Variants in LRP1B observed in about 807,000 individuals in gnomAD.
The protein encoded by LRP1B is low-density lipoprotein receptor-related protein 1B.
A neutral mutation model predicts 556.6 loss-of-function variants in LRP1B; 217 were observed. The ratio of observed to expected loss-of-function variants is 0.39; its 90% confidence interval spans 0.35 to 0.44. LRP1B has a LOEUF of 0.44. LRP1B is among the 20% of genes least tolerant of loss of function. LRP1B has a pLI of 1.00. For missense variants in LRP1B, 5,053 were observed against 5,620.8 expected (o/e 0.90, Z 3.23); for synonymous variants, 2,047 against 1,865.8 (o/e 1.10, Z -2.50).
At chr2:141,600,357 A>C (rs536231790) in intron 2 of LRP1B, among the ~76,000 whole-genome samples, 14 of 152,156 alleles carry the variant, frequency 9.2e-5, no homozygotes, top group Non-Finnish European at 1.8e-4. Flanking sequence ...ACAATACATA[A>C]AGTTGAGAAA....
At chr2:140,569,031 C>T (rs1157253708) in intron 43 of LRP1B, among the ~76,000 whole-genome samples, 2 of 151,822 alleles carry the variant, frequency 1.3e-5, no homozygotes, top group African/African-American at 4.8e-5. Context: ...TACATGAAAA[C>T]ACTCAAAAGT....
intron 3 of LRP1B, among the ~76,000 whole-genome samples, chr2:141,317,683 G>C (rs556972943): frequency 1.3e-5 from 2 of 152,258 alleles, no homozygotes; most frequent in South Asian, 4.1e-4. Context: ...ACAGAACAGG[G>C]TGTGGATTCT....
At position 141,329,824 on chromosome 2, in the gene LRP1B, T is replaced by C. The variant is rs182850741; in HGVS notation, c.344-75183A>G. The stretch of plus-strand genomic sequence containing the variant: ...GTTCTTGCTTGTTTAAAGTATTTTA[T>C]TAGAAAAGACAAGATCATGCTGAAT... On this transcript the variant is annotated intron_variant, in intron 3 of 90. Coordinates refer to ENST00000389484, the MANE Select transcript of LRP1B (RefSeq NM_018557.3). Among the ~76,000 whole-genome samples, 491 of 152,242 alleles carry C rather than the reference T, an allele frequency of 3.2e-3. 7 individuals carry two copies. Among genetic ancestry groups the C allele is most frequent in the Non-Finnish European group, 2.3e-3 (158 of 68,004 alleles).
In LRP1B at chr2:140,997,339, C is replaced by T. The variant is rs887102508; in HGVS notation, c.2504-3204G>A. ...AACTGGCTGGAGTTAATGTCCAGGT[C>T]ATAATGTTGGGAAGTAGGAAATGCT... On this transcript the variant is annotated intron_variant, in intron 15 of 90. Coordinates refer to ENST00000389484, the MANE Select transcript of LRP1B (RefSeq NM_018557.3). Among the ~76,000 whole-genome samples, 9 of 151,814 alleles carry T rather than the reference C, an allele frequency of 5.9e-5. No individual in the cohort carries two copies. In the South Asian group the frequency reaches 1.9e-3, roughly 32 times the overall value.
chr2:142,088,771 C>T (rs1011233295), intron 1 of LRP1B, among the ~76,000 whole-genome samples: 38 of 151,826 alleles, frequency 2.5e-4, no homozygotes, highest in African/African-American at 9.2e-4. Flanking sequence ...GTCAGGAGAT[C>T]GAGACCATCC....
At chr2:141,592,179 C>T (rs967296525) in intron 2 of LRP1B, among the ~76,000 whole-genome samples, 1 of 152,116 alleles carries the variant, frequency 6.6e-6, no homozygotes, top group Non-Finnish European at 1.5e-5. Flanking sequence ...TATGGCTTTC[C>T]TGCATTTCAT....
At chr2:141,237,354 T>C (rs73962869) in intron 5 of LRP1B, among the ~76,000 whole-genome samples, 6 of 45,318 alleles carry the variant, frequency 1.3e-4, no homozygotes, top group African/African-American at 3.0e-4. Flanking sequence ...TGTTCTAGTG[T>C]TTTTTTTTTT....
intron 23 of LRP1B, among the ~76,000 whole-genome samples, chr2:140,891,012 A>G (rs1225383948): frequency 6.6e-6 from 1 of 152,130 alleles, no homozygotes; most frequent in African/African-American, 2.4e-5. Context: ...CCAGTATACT[A>G]GCTTCTATCT....
chr2:141,158,684 A>G (rs1249214168), intron 7 of LRP1B, among the ~76,000 whole-genome samples: 2 of 152,208 alleles, frequency 1.3e-5, no homozygotes, highest in Non-Finnish European at 1.5e-5. Context: ...CAGCTACAGT[A>G]TACATTTCCC....
intron 2 of LRP1B, among the ~76,000 whole-genome samples, chr2:141,611,467 C>T (rs1688106176): frequency 6.6e-6 from 1 of 152,040 alleles, no homozygotes; most frequent in African/African-American, 2.4e-5. Flanking sequence ...AAAATTGAAG[C>T]CACTTCCTCT....
intron 1 of LRP1B, among the ~76,000 whole-genome samples, chr2:141,952,671 A>G (rs1701138595): frequency 1.3e-5 from 2 of 152,148 alleles, no homozygotes; most frequent in African/African-American, 2.4e-5. Flanking sequence ...TTTCCTAAGC[A>G]CAGTAGAGAA....
At chr2:140,599,454 T>C (rs1215441076) in intron 42 of LRP1B, among the ~76,000 whole-genome samples, 2 of 152,118 alleles carry the variant, frequency 1.3e-5, no homozygotes, top group African/African-American at 4.8e-5. Flanking sequence ...GCATAGTATC[T>C]GTTCTCTATG....
chr2:140,323,099 C>A (rs998082645), intron 81 of LRP1B, among the ~76,000 whole-genome samples: 46 of 152,070 alleles, frequency 3.0e-4, no homozygotes, highest in African/African-American at 1.1e-3. Context: ...CAGATAAATG[C>A]ACCAAACAAG....
chr2:140,481,058 G>C (rs372560104), intron 59 of LRP1B, among the ~76,000 whole-genome samples: 3 of 152,134 alleles, frequency 2.0e-5, no homozygotes, highest in East Asian at 3.9e-4. Flanking sequence ...GTAGAGAGGG[G>C]GTTTCACTAT....
chr2:140,306,589 C>A (rs924910034), intron 83 of LRP1B, among the ~76,000 whole-genome samples: 4 of 150,976 alleles, frequency 2.6e-5, no homozygotes, highest in Non-Finnish European at 5.9e-5. Flanking sequence ...TTTTGTTGAT[C>A]TGTTCAAAAA....
chr2:141,593,302 A>G (rs1026741722), intron 2 of LRP1B, among the ~76,000 whole-genome samples: 3 of 152,148 alleles, frequency 2.0e-5, no homozygotes, highest in Admixed American at 2.0e-4. Flanking sequence ...TCATTACTCA[A>G]AAGTACCCCC....
intron 1 of LRP1B, among the ~76,000 whole-genome samples, chr2:141,833,869 A>G (rs1309876182): frequency 6.7e-6 from 1 of 149,492 alleles, no homozygotes; most frequent in Non-Finnish European, 1.5e-5. Flanking sequence ...GGAAAGGCCT[A>G]AGAAAGAACA....
intron 35 of LRP1B, among the ~76,000 whole-genome samples, chr2:140,754,369 T>C (rs1190798459): frequency 6.6e-6 from 1 of 152,098 alleles, no homozygotes. Flanking sequence ...TTTAATTGTA[T>C]CAGAGTGGAG....
intron 2 of LRP1B, among the ~76,000 whole-genome samples, chr2:141,724,603 T>C (rs1305875926): frequency 2.0e-5 from 3 of 151,930 alleles, no homozygotes; most frequent in Non-Finnish European, 4.4e-5. Context: ...AAATCTGACC[T>C]TTAAGACTAA....
Sources: gnomAD v4.1 joint callset for allele counts (sites outside exome capture counted in the v4.1 genomes callset) on GRCh38, gnomAD v4.1.1 for gene constraint, MANE v1.5 for transcripts, NCBI Gene and HGNC (gene_info 2026-07-23, HGNC 2026-07-21) for gene names.